NAV2: variants seen among roughly 807,000 people sequenced by gnomAD.
The protein encoded by NAV2 is neuron navigator 2, also known as helicase, APC down-regulated 1.
A neutral mutation model predicts 223.2 loss-of-function variants in NAV2; 54 were observed. The ratio of observed to expected loss-of-function variants is 0.24; its 90% CI spans 0.19 to 0.30. NAV2 has a LOEUF of 0.30. Among genes scored for constraint, NAV2 ranks in the 10% least tolerant of loss-of-function variants. NAV2 has a pLI of 1.00. For missense variants in NAV2, 2,806 were observed against 3,147.5 expected, an observed-to-expected ratio of 0.89 and a Z score of 2.60; for synonymous variants, 1,279 against 1,239.3, an observed-to-expected ratio of 1.03 and a Z score of -0.67.
chr11:19,997,951 A>G (rs2052085047), intron 11 of NAV2, among the ~76,000 whole-genome samples: 2 of 152,178 alleles, frequency 1.3e-5, no homozygotes, highest in Admixed American at 1.3e-4. Flanking sequence ...GGGTCTCTCC[A>G]TAACCATGTT....
At chr11:20,008,751 G>A (rs1466871673) in intron 11 of NAV2, among the ~76,000 whole-genome samples, 1 of 132,832 alleles carries the variant, frequency 7.5e-6, no homozygotes, top group Admixed American at 7.8e-5. Context: ...TTTTTTTTCC[G>A]CCTGCTTGTT....
chr11:19,550,114 T>C (rs2044641609), intron 1 of NAV2, among the ~76,000 whole-genome samples: 1 of 152,160 alleles, frequency 6.6e-6, no homozygotes, highest in South Asian at 2.1e-4. Flanking sequence ...AAAATGAGAT[T>C]GTTCTAATAC....
At chr11:19,745,078 C>T (rs2053223766) in intron 1 of NAV2, among the ~76,000 whole-genome samples, 1 of 152,158 alleles carries the variant, frequency 6.6e-6, no homozygotes, top group African/African-American at 2.4e-5. Flanking sequence ...TGTACTGTCA[C>T]CAGCACTAGG....
chr11:19,868,844 T>C (rs890616104), intron 3 of NAV2, 81 bp from the exon 4 acceptor site: 4 of 1,417,628 alleles, frequency 2.8e-6, no homozygotes, highest in Non-Finnish European at 3.9e-6. Flanking sequence ...CAGCATTCTG[T>C]TTTCCCATTG....
intron 1 of NAV2, among the ~76,000 whole-genome samples, chr11:19,796,490 G>A (rs557678623): frequency 1.3e-5 from 2 of 152,172 alleles, no homozygotes; most frequent in Non-Finnish European, 2.9e-5. Context: ...CAGTAATTTA[G>A]TTCTTCATCT....
At chr11:19,859,293 C>G (rs1038618451) in intron 3 of NAV2, among the ~76,000 whole-genome samples, 1 of 149,384 alleles carries the variant, frequency 6.7e-6, no homozygotes, top group Admixed American at 6.7e-5. Context: ...TGCGGCCTTC[C>G]GCAGTGTTTG....
chr11:19,870,588 C>G (rs1412842305), intron 4 of NAV2, among the ~76,000 whole-genome samples: 1 of 152,116 alleles, frequency 6.6e-6, no homozygotes, highest in Non-Finnish European at 1.5e-5. Flanking sequence ...TTCTCCCCAT[C>G]TGTCCCATCC....
chr11:19,870,880 A>G (rs2062443371), intron 4 of NAV2, among the ~76,000 whole-genome samples: 1 of 152,168 alleles, frequency 6.6e-6, no homozygotes, highest in Non-Finnish European at 1.5e-5. Flanking sequence ...ATAGAGGTGG[A>G]TAAAATCTAG....
intron 10 of NAV2, among the ~76,000 whole-genome samples, chr11:19,976,293 T>C (rs1217497605): frequency 1.3e-5 from 2 of 152,124 alleles, no homozygotes; most frequent in Non-Finnish European, 2.9e-5. Flanking sequence ...TACTGCTCCA[T>C]GGCCCGTATT....
chr11:19,420,144 A>G (rs1308899895), intron 1 of NAV2, among the ~76,000 whole-genome samples: 2 of 152,138 alleles, frequency 1.3e-5, no homozygotes, highest in African/African-American at 2.4e-5. Flanking sequence ...ATGTTGACCT[A>G]TGGACTGTTG....
At chr11:19,586,927 C>T (rs1236876001) in intron 1 of NAV2, among the ~76,000 whole-genome samples, 8 of 152,262 alleles carry the variant, frequency 5.3e-5, no homozygotes, top group Non-Finnish European at 1.5e-5. Context: ...ACATTTAAGT[C>T]TGCAGAGGTT....
intron 1 of NAV2, among the ~76,000 whole-genome samples, chr11:19,540,058 G>A (rs1350082529): frequency 6.6e-6 from 1 of 152,182 alleles, no homozygotes; most frequent in South Asian, 2.1e-4. Context: ...AGCAACTGAG[G>A]GGGTAAACAC....
chr11:20,082,891 T>G, intron 25 of NAV2, 116 bp from the exon 26 acceptor site: 1 of 1,016,712 alleles, frequency 9.8e-7, no homozygotes, highest in Non-Finnish European at 1.4e-6. Flanking sequence ...ACCTCTTCCA[T>G]TGGTGGGGGG....
intron 1 of NAV2, among the ~76,000 whole-genome samples, chr11:19,442,819 A>G (rs1851452537): frequency 6.6e-6 from 1 of 152,212 alleles, no homozygotes; most frequent in African/African-American, 2.4e-5. Flanking sequence ...TCTCTCTTCC[A>G]GTAGCTTCAA....
intron 1 of NAV2, among the ~76,000 whole-genome samples, chr11:19,483,262 G>A (rs900618539): frequency 6.6e-6 from 1 of 152,192 alleles, no homozygotes; most frequent in Non-Finnish European, 1.5e-5. Context: ...GTTTTCAATT[G>A]CATGTCATTC....
At chr11:19,846,980 A>C (rs2060846736) in intron 3 of NAV2, among the ~76,000 whole-genome samples, 1 of 151,822 alleles carries the variant, frequency 6.6e-6, no homozygotes, top group African/African-American at 2.4e-5. Flanking sequence ...CCTCTCCCCC[A>C]CCAAATTCAT....
intron 1 of NAV2, among the ~76,000 whole-genome samples, chr11:19,486,892 G>A (rs560592242): frequency 6.6e-6 from 1 of 152,228 alleles, no homozygotes; most frequent in Non-Finnish European, 1.5e-5. Flanking sequence ...ACACCTTCTG[G>A]GATCGTTGAG....
At chr11:19,705,208 A>G (rs1386774051) in intron 1 of NAV2, among the ~76,000 whole-genome samples, 1 of 152,142 alleles carries the variant, frequency 6.6e-6, no homozygotes, top group Non-Finnish European at 1.5e-5. Flanking sequence ...TGTCAGATCC[A>G]GCCTAGAATC....
At chr11:19,899,246 A>G (rs2042250791) in intron 6 of NAV2, among the ~76,000 whole-genome samples, 3 of 152,190 alleles carry the variant, frequency 2.0e-5, no homozygotes, top group South Asian at 2.1e-4. Context: ...TCGAGACAGA[A>G]TTTTATAACC....
Sources: allele counts gnomAD v4.1 joint callset (sites outside exome capture counted in the v4.1 genomes callset), GRCh38; gene constraint gnomAD v4.1.1; transcripts MANE v1.5; gene names NCBI Gene and HGNC (gene_info 2026-07-23, HGNC 2026-07-21).